Variants in SUPT20H observed in about 807,000 individuals in gnomAD.
The protein encoded by SUPT20H is transcription factor SPT20 homolog.
Under a neutral mutation model 122.8 loss-of-function variants are expected in SUPT20H, and 82 were observed. That is an observed-to-expected ratio of 0.67 (90% confidence interval 0.56 to 0.80). The LOEUF is 0.80. Ranked by LOEUF, SUPT20H falls within the 30% of genes least tolerant of loss-of-function variation. SUPT20H has a pLI of 0.00. For missense variants in SUPT20H, 831 were observed against 921.6 expected, an observed-to-expected ratio of 0.90 and a Z score of 1.27; for synonymous variants, 291 against 313.0, an observed-to-expected ratio of 0.93 and a Z score of 0.74.
Position 37,048,015 on chromosome 13 carries a change from T to C in SUPT20H, c.40-79A>G, listed in dbSNP as rs1412554026. ...AACTGTATTGAGTATATCTAAAACA[T>C]ACGTAAGGCTAAAAAGGCTATTCAC... On this transcript the variant is annotated intron_variant, in intron 3 of 25. Coordinates refer to ENST00000350612, the MANE Select transcript of SUPT20H (RefSeq NM_001014286.3). 21 of 1,031,440 alleles carry C rather than the reference T, an allele frequency of 2.0e-5. No homozygotes were observed. The South Asian group carries it at 3.2e-4, about 16-fold the overall frequency. 63.9% of individuals were successfully genotyped at this position (1,031,440 alleles called of 1,614,324 possible). A position where few individuals can be genotyped will look rare whatever the true frequency, so the allele number is the denominator to read the frequency against.
rs1173566248 is a variant in SUPT20H, at chr13:37,009,777, C to T, written c.2235G>A (p.Met745Ile). 6.2e-7 allele frequency: 1 copy of T among 1,612,578 alleles called. No individual in the cohort carries two copies. Among genetic ancestry groups the T allele is most frequent in the Non-Finnish European group, 8.5e-7 (1 of 1,179,636 alleles). ...QLRFLQHQMA[M>I]AAAAAQTAQL... ...GAGCTGTTTGTGCTGCTGCTGCTGCCATAGCCATTTGATGCTGCAAGAATC... is the reference window on the plus strand; with the variant it reads ...GAGCTGTTTGTGCTGCTGCTGCTGCTATAGCCATTTGATGCTGCAAGAATC... The change falls in exon 26 of 26, where the codon ATG (methionine) becomes ATA (isoleucine). Residue 745 changes from methionine (M) to isoleucine (I), a missense_variant. Physicochemically the swap from Met to Ile is conservative, Grantham distance 10. Transcript: ENST00000350612.
At chr13:37,053,144 T>C (rs1454378423) in intron 1 of SUPT20H, among the ~76,000 whole-genome samples, 1 of 152,154 alleles carries the variant, frequency 6.6e-6, no homozygotes, top group Non-Finnish European at 1.5e-5. Context: ...AGAAATACTG[T>C]TTGACCCAGC....
intron 21 of SUPT20H, among the ~76,000 whole-genome samples, chr13:37,019,891 C>A (rs2061203415): frequency 6.6e-6 from 1 of 151,928 alleles, no homozygotes. Context: ...GTATAAAGAT[C>A]AAAACAGAGT....
intron 23 of SUPT20H, among the ~76,000 whole-genome samples, chr13:37,015,983 C>T (rs2060404572): frequency 6.6e-6 from 1 of 152,094 alleles, no homozygotes; most frequent in Non-Finnish European, 1.5e-5. Context: ...CAAACTCATA[C>T]TAACATAAAG....
At chr13:37,026,006 A>T (rs2062192052) in intron 16 of SUPT20H, 198 bp downstream of exon 16, 1 of 409,756 alleles carries the variant, frequency 2.4e-6, no homozygotes, top group African/African-American at 2.1e-5. Flanking sequence ...TAAGATTTTA[A>T]AGTTGGAAAG....
intron 21 of SUPT20H, 77 bp downstream of exon 21, chr13:37,021,371 A>G (rs2061439030): frequency 7.2e-7 from 1 of 1,392,498 alleles, no homozygotes; most frequent in South Asian, 1.6e-5. Flanking sequence ...TGCCTTTAGC[A>G]TTACTCTTAA....
chr13:37,055,381 A>G (rs1243141121), intron 1 of SUPT20H, among the ~76,000 whole-genome samples: 1 of 152,190 alleles, frequency 6.6e-6, no homozygotes, highest in East Asian at 1.9e-4. Flanking sequence ...ACAAGGCTAC[A>G]TTAACCAAAA....
intron 15 of SUPT20H, 27 bp downstream of exon 15, chr13:37,026,763 G>A (rs761768878): frequency 5.8e-5 from 74 of 1,280,946 alleles, no homozygotes; most frequent in Non-Finnish European, 7.2e-5. Context: ...TTTCTTAACA[G>A]ATTAAAATAG....
At chr13:37,055,961 A>G (rs953128942) in intron 1 of SUPT20H, among the ~76,000 whole-genome samples, 6 of 152,386 alleles carry the variant, frequency 3.9e-5, no homozygotes, top group Non-Finnish European at 7.3e-5. Flanking sequence ...GGCGAAGGAT[A>G]TGAACAGACA....
At position 37,009,506 on chromosome 13, in the gene SUPT20H, T is replaced by C. The variant is rs892863838; in HGVS notation, c.*166A>G. 6.3e-6 allele frequency: 6 copies of C among 951,176 alleles called. No homozygotes were observed. The African/African-American group carries it at 8.3e-5, about 13-fold the overall frequency. 58.9% of individuals were successfully genotyped at this position (951,176 alleles called of 1,614,324 possible). A position where few individuals can be genotyped will look rare whatever the true frequency, so the allele number is the denominator to read the frequency against. On this transcript the variant is annotated 3_prime_UTR_variant, in exon 26 of 26. Coordinates refer to ENST00000350612, the MANE Select transcript of SUPT20H (RefSeq NM_001014286.3). ...AAACCAACCCTAGTTTGTTAAACCA[T>C]TTCCCTGTTTTTATTTAAAAATGAT...
At position 37,024,128 on chromosome 13, in the gene SUPT20H, TAGA is replaced by T. The variant is rs761966978; in HGVS notation, c.1495_1497del (p.Ser499del). The T allele has an allele frequency of 1.9e-5, 30 of 1,613,762 alleles. No homozygotes were observed. In the African/African-American group the frequency reaches 2.7e-4, roughly 14 times the overall value. On this transcript the variant is annotated inframe_deletion, in exon 19 of 26. Coordinates refer to ENST00000350612, the MANE Select transcript of SUPT20H (RefSeq NM_001014286.3). ...GATTTCCGAGGAATACTTGATGGCT[TAGA>T]AGAAGGAGGAGGAGTTGGAGATTTG...
intron 1 of SUPT20H, among the ~76,000 whole-genome samples, chr13:37,054,356 G>A (rs2068452548): frequency 6.6e-6 from 1 of 152,168 alleles, no homozygotes; most frequent in Admixed American, 6.5e-5. Flanking sequence ...GAACATCGAT[G>A]CAAAAATCCT....
chr13:37,016,286 C>T (rs894701071), intron 23 of SUPT20H, among the ~76,000 whole-genome samples: 1 of 151,878 alleles, frequency 6.6e-6, no homozygotes, highest in Non-Finnish European at 1.5e-5. Flanking sequence ...AAAAATTAGT[C>T]GGGCGTGGTG....
chr13:37,041,127 T>C (rs2065386644), intron 7 of SUPT20H, among the ~76,000 whole-genome samples: 1 of 152,248 alleles, frequency 6.6e-6, no homozygotes, highest in South Asian at 2.1e-4. Context: ...AGCTTCTAGA[T>C]ATAACTTCTA....
rs2060579872 is a variant in SUPT20H, at chr13:37,016,751, T to G, written c.1992+494A>C. 3.3e-5 allele frequency among the ~76,000 whole-genome samples: 5 copies of G among 152,320 alleles called. No homozygotes were observed. In the South Asian group the frequency reaches 1.0e-3, roughly 32 times the overall value. On this transcript the variant is annotated intron_variant, in intron 23 of 25. Transcript: ENST00000350612. Reference sequence around the variant, plus strand: ...AGATGACTCCAGTGTACCCAAAGTTTAGAAACACTTGTACTTCCTTCTTCT... The same window carrying G: ...AGATGACTCCAGTGTACCCAAAGTTGAGAAACACTTGTACTTCCTTCTTCT...
chr13:37,010,743 T>C (rs1339856202), intron 24 of SUPT20H, 88 bp from the exon 25 acceptor site: 1 of 887,482 alleles, frequency 1.1e-6, no homozygotes, highest in African/African-American at 1.7e-5. Flanking sequence ...AATGAAATAA[T>C]AGAAAAGTTA....
At chr13:37,026,321 C>T (rs2062266942) in intron 15 of SUPT20H, 85 bp from the exon 16 acceptor site, 1 of 1,050,412 alleles carries the variant, frequency 9.5e-7, no homozygotes, top group East Asian at 2.9e-5. Flanking sequence ...TTGAATCTTC[C>T]ATGTTTTAGT....
chr13:37,037,194 CA>C (rs34269768), intron 9 of SUPT20H, among the ~76,000 whole-genome samples: 9,168 of 130,488 alleles, frequency 0.07, 913 homozygotes, highest in African/African-American at 0.25. Flanking sequence ...GACTCTGCCT[CA>C]AAAAAAAAAA....
At chr13:37,015,958 G>C (rs1185100786) in intron 23 of SUPT20H, among the ~76,000 whole-genome samples, 1 of 152,136 alleles carries the variant, frequency 6.6e-6, no homozygotes, top group African/African-American at 2.4e-5. Context: ...ACTTATATGA[G>C]GTATCTTGAA....
Sources: gnomAD v4.1 joint callset for allele counts (sites outside exome capture counted in the v4.1 genomes callset) on GRCh38, gnomAD v4.1.1 for gene constraint, MANE v1.5 for transcripts, NCBI Gene and HGNC (gene_info 2026-07-23, HGNC 2026-07-21) for gene names.